The following RANBP17 variants were observed in gnomAD, a reference collection of about 807,000 sequenced individuals.
RANBP17 encodes the protein ran-binding protein 17.
Under a neutral mutation model 141.2 loss-of-function variants are expected in RANBP17, and 158 were observed. The observed-to-expected ratio is 1.12, with a 90% CI of 0.98 to 1.28. The LOEUF (loss-of-function observed/expected upper bound fraction) is 1.28. RANBP17 is among the 50% of genes most tolerant of loss of function. The pLI is 0.00. For synonymous variants in RANBP17, 430 were observed against 450.0 expected, an observed-to-expected ratio of 0.96 and a Z score of 0.56; for missense variants, 1,438 against 1,290.7, an observed-to-expected ratio of 1.11 and a Z score of -1.75.
chr5:170,896,085 C>T lies in RANBP17; in HGVS notation c.459C>T (p.Ile153=), dbSNP rs1425343592. ...TVEHCIIGVI[I]LSELTQEMNL... is the part of the protein sequence containing the mutation. Reference sequence around the variant, plus strand: ...AACACTGCATAATAGGAGTAATAATCCTTTCTGAATTGACTCAGGAAATGA... The same window carrying T: ...AACACTGCATAATAGGAGTAATAATTCTTTCTGAATTGACTCAGGAAATGA... Residue 153 remains isoleucine, a synonymous_variant, in exon 5 of 28, where the codon ATC becomes ATT. Transcript: ENST00000523189. 11 of 1,609,056 alleles carry T rather than the reference C, an allele frequency of 6.8e-6. No homozygotes were observed. The highest frequency in any genetic ancestry group is 8.5e-6 in the Non-Finnish European group (10 of 1,177,728).
intron 14 of RANBP17, chr5:170,968,803 A>C: frequency 2.2e-6 from 1 of 447,488 alleles, no homozygotes; most frequent in South Asian, 1.6e-5. Flanking sequence ...TAGGAAAATT[A>C]GATGTGTCCT....
intron 25 of RANBP17, among the ~76,000 whole-genome samples, chr5:171,283,257 C>G (rs1167242915): frequency 6.6e-6 from 1 of 152,120 alleles, no homozygotes; most frequent in Non-Finnish European, 1.5e-5. Context: ...TATCTCCTCC[C>G]CTACTCAACT....
intron 14 of RANBP17, among the ~76,000 whole-genome samples, chr5:171,137,813 G>A (rs1757416653): frequency 6.6e-6 from 1 of 151,494 alleles, no homozygotes; most frequent in Non-Finnish European, 1.5e-5. Flanking sequence ...TATTATAACT[G>A]GTCCTTGTGT....
At chr5:171,266,670 T>G (rs1299695163) in intron 25 of RANBP17, among the ~76,000 whole-genome samples, 1 of 151,932 alleles carries the variant, frequency 6.6e-6, no homozygotes, top group Admixed American at 6.6e-5. Flanking sequence ...TCCCAGCACT[T>G]TGGGAGGCCA....
intron 14 of RANBP17, among the ~76,000 whole-genome samples, chr5:171,152,770 A>G (rs980518776): frequency 6.6e-6 from 1 of 152,184 alleles, no homozygotes; most frequent in Non-Finnish European, 1.5e-5. Context: ...GCTCGCACTC[A>G]TTTATTGTTT....
chr5:170,864,361 A>G (rs1489705245), intron 1 of RANBP17, among the ~76,000 whole-genome samples: 1 of 152,204 alleles, frequency 6.6e-6, no homozygotes, highest in African/African-American at 2.4e-5. Context: ...AAAAATGTTA[A>G]TTGTGTGTCT....
Position 171,186,527 on chromosome 5 carries a change from T to TC in RANBP17, c.2038+3097_2038+3098insC, listed in dbSNP as rs1491309421. Reference sequence around the variant, plus strand: ...AAATGTTATCACTGGTATGATTTTCTTTTTTTTTTTTTTTTTTTTTTTTTT... The same window carrying TC: ...AAATGTTATCACTGGTATGATTTTCTCTTTTTTTTTTTTTTTTTTTTTTTTT... On this transcript the variant is annotated intron_variant, in intron 18 of 27. Transcript: ENST00000523189. Among the ~76,000 whole-genome samples the TC allele has an allele frequency of 1.6e-4, 5 of 31,008 alleles. 1 individual carries two copies. Among genetic ancestry groups the TC allele is most frequent in the Non-Finnish European group, 2.9e-4 (5 of 17,038 alleles). The allele number at this position is 31,008 out of a possible 152,430, so 20.3% of individuals were successfully genotyped here.
intron 14 of RANBP17, among the ~76,000 whole-genome samples, chr5:171,045,302 G>A (rs1782511019): frequency 6.6e-6 from 1 of 152,056 alleles, no homozygotes. Flanking sequence ...GGTAGTACTT[G>A]ATATAACTAT....
chr5:170,996,245 G>T (rs1462936160), intron 14 of RANBP17, among the ~76,000 whole-genome samples: 1 of 152,086 alleles, frequency 6.6e-6, no homozygotes, highest in Non-Finnish European at 1.5e-5. Context: ...AGTTAAAGCT[G>T]TTTTTTTCCC....
intron 14 of RANBP17, chr5:171,143,457 T>C (rs1351097642): frequency 6.6e-6 from 1 of 152,212 alleles, no homozygotes; most frequent in Non-Finnish European, 1.5e-5. Flanking sequence ...CTTTCTCATA[T>C]TGGCCTTCCA....
intron 14 of RANBP17, among the ~76,000 whole-genome samples, chr5:171,147,291 A>T (rs1227999413): frequency 6.6e-6 from 1 of 150,796 alleles, no homozygotes; most frequent in African/African-American, 2.4e-5. Flanking sequence ...AAAAAAAAAC[A>T]TGGAAGAAAA....
At chr5:171,270,907 C>A (rs1410126598) in intron 25 of RANBP17, among the ~76,000 whole-genome samples, 2 of 151,810 alleles carry the variant, frequency 1.3e-5, no homozygotes, top group Non-Finnish European at 2.9e-5. Flanking sequence ...TCTTGAAAAC[C>A]TTAATATATT....
chr5:171,142,984 CAGTT>C (rs2127814444), intron 14 of RANBP17, among the ~76,000 whole-genome samples: 1 of 152,242 alleles, frequency 6.6e-6, no homozygotes, highest in South Asian at 2.1e-4. Context: ...GATTAATAAA[CAGTT>C]TGTTTTTTAT....
At chr5:171,191,250 A>T (rs1006184533) in intron 18 of RANBP17, among the ~76,000 whole-genome samples, 15 of 152,214 alleles carry the variant, frequency 9.9e-5, no homozygotes, top group Non-Finnish European at 2.1e-4. Context: ...AAAAACACAG[A>T]GGAAGGAATT....
intron 13 of RANBP17, 109 bp from the exon 14 acceptor site, chr5:170,968,133 C>T: frequency 6.1e-5 from 44 of 727,084 alleles, no homozygotes; most frequent in East Asian, 1.5e-4. Flanking sequence ...TTTTATTTTC[C>T]CACTTTTTAC....
chr5:171,183,653 A>C (rs536695135), intron 18 of RANBP17, among the ~76,000 whole-genome samples: 1 of 152,204 alleles, frequency 6.6e-6, no homozygotes, highest in Non-Finnish European at 1.5e-5. Context: ...TAACACTTGC[A>C]CTGATTTTTT....
chr5:171,121,891 T>A (rs1756063660), intron 14 of RANBP17, among the ~76,000 whole-genome samples: 1 of 152,190 alleles, frequency 6.6e-6, no homozygotes, highest in Non-Finnish European at 1.5e-5. Context: ...GGCACTGTGC[T>A]ACAGCAGCGT....
chr5:171,006,398 A>G (rs1430433106), intron 14 of RANBP17, among the ~76,000 whole-genome samples: 5 of 152,346 alleles, frequency 3.3e-5, no homozygotes, highest in South Asian at 2.1e-4. Context: ...CATATACACC[A>G]TGGAATACTA....
chr5:170,881,947 C>G (rs1375463603), intron 3 of RANBP17, 51 bp downstream of exon 3: 1 of 1,234,208 alleles, frequency 8.1e-7, no homozygotes, highest in Non-Finnish European at 1.2e-6. Flanking sequence ...AAATCTTTTT[C>G]TTTTAAATAT....
Sources: gnomAD v4.1 joint callset for allele counts (sites outside exome capture counted in the v4.1 genomes callset) on GRCh38, gnomAD v4.1.1 for gene constraint, MANE v1.5 for transcripts, NCBI Gene and HGNC (gene_info 2026-07-23, HGNC 2026-07-21) for gene names.